Variants in ARHGAP28 observed in about 807,000 individuals in gnomAD.
The protein encoded by ARHGAP28 is rho GTPase-activating protein 28.
Under a neutral mutation model 90.7 loss-of-function variants are expected in ARHGAP28, and 56 were observed. The ratio of observed to expected loss-of-function variants is 0.62; its 90% confidence interval spans 0.50 to 0.77. The LOEUF (loss-of-function observed/expected upper bound fraction) is 0.77, where lower values mean the gene tolerates loss of function less well. Among genes scored for constraint, ARHGAP28 ranks in the 30% least tolerant of loss-of-function variants. The pLI is 0.00. For synonymous variants in ARHGAP28, 308 were observed against 323.3 expected (o/e 0.95, Z 0.51); for missense variants, 869 against 900.9 (o/e 0.96, Z 0.45).
At chr18:6,825,483 G>T (rs368098070) in intron 2 of ARHGAP28, among the ~76,000 whole-genome samples, 1 of 152,224 alleles carries the variant, frequency 6.6e-6, no homozygotes, top group East Asian at 1.9e-4. Flanking sequence ...CCATGTTGTT[G>T]TTTTTTCCAA....
intron 16 of ARHGAP28, among the ~76,000 whole-genome samples, 180 bp from the exon 17 acceptor site, chr18:6,908,780 T>G (rs1234184302): frequency 6.6e-6 from 1 of 152,206 alleles, no homozygotes; most frequent in Admixed American, 6.5e-5. Flanking sequence ...GGCCTCAGCT[T>G]CTTGTCTGTG....
At chr18:6,792,647 T>G (rs1455481386) in intron 1 of ARHGAP28, among the ~76,000 whole-genome samples, 1 of 152,184 alleles carries the variant, frequency 6.6e-6, no homozygotes, top group Non-Finnish European at 1.5e-5. Context: ...CAGCATCAAG[T>G]GCCCCTCCTT....
chr18:6,827,548 C>A lies in ARHGAP28; in HGVS notation c.325+2584C>A, dbSNP rs1264800369. On this transcript the variant is annotated intron_variant, in intron 2 of 17. Transcript: ENST00000383472. Reference sequence around the variant, plus strand: ...CGGCTGACCGGGCGGGGGGCTGACCCCCCCACCTCCCTCCCGGACGGGGCG... The same window carrying A: ...CGGCTGACCGGGCGGGGGGCTGACCACCCCACCTCCCTCCCGGACGGGGCG... Among the ~76,000 whole-genome samples the A allele has an allele frequency of 1.9e-3, 272 of 143,202 alleles. 2 individuals carry two copies. The highest frequency in any genetic ancestry group is 6.4e-3 in the African/African-American group (247 of 38,438). 93.9% of individuals were successfully genotyped at this position (143,202 alleles called of 152,430 possible).
At chr18:6,867,109 G>T (rs1379856042) in intron 5 of ARHGAP28, among the ~76,000 whole-genome samples, 1 of 151,958 alleles carries the variant, frequency 6.6e-6, no homozygotes, top group East Asian at 1.9e-4. Context: ...CAGTAATTGG[G>T]CATCTATGTT....
At chr18:6,731,136 A>G (rs28460775) in intron 1 of ARHGAP28, among the ~76,000 whole-genome samples, 6,110 of 151,920 alleles carry the variant, frequency 0.04, 416 homozygotes, top group African/African-American at 0.14. Flanking sequence ...GGAAAATCAC[A>G]TTTTTTTTCC....
At chr18:6,837,099 T>A (rs772400058) in intron 2 of ARHGAP28, 98 bp from the exon 3 acceptor site, 1 of 891,940 alleles carries the variant, frequency 1.1e-6, no homozygotes, top group Non-Finnish European at 1.7e-6. Flanking sequence ...AGAAAAAAAA[T>A]ACAAATATTA....
At chr18:6,810,458 G>A (rs1268174181) in intron 1 of ARHGAP28, among the ~76,000 whole-genome samples, 2 of 152,028 alleles carry the variant, frequency 1.3e-5, no homozygotes, top group Admixed American at 1.3e-4. Flanking sequence ...TGTTCAGTGG[G>A]CTTTTTTTTT....
intron 3 of ARHGAP28, among the ~76,000 whole-genome samples, chr18:6,838,342 G>C (rs1039991591): frequency 6.6e-6 from 1 of 152,172 alleles, no homozygotes; most frequent in African/African-American, 2.4e-5. Context: ...TAAAACTTCA[G>C]GGGTATTGAG....
intron 1 of ARHGAP28, among the ~76,000 whole-genome samples, chr18:6,746,100 G>A (rs1336583533): frequency 1.3e-5 from 2 of 152,126 alleles, no homozygotes; most frequent in Admixed American, 6.6e-5. Flanking sequence ...AGTGATCCAC[G>A]AAGGGATCAT....
intron 1 of ARHGAP28, among the ~76,000 whole-genome samples, chr18:6,819,425 T>C (rs913558947): frequency 6.6e-6 from 1 of 152,132 alleles, no homozygotes; most frequent in African/African-American, 2.4e-5. Flanking sequence ...GAAGAAGAAC[T>C]CTTGTGACAT....
chr18:6,794,735 G>T (rs1221631179), intron 1 of ARHGAP28, among the ~76,000 whole-genome samples: 1 of 152,088 alleles, frequency 6.6e-6, no homozygotes, highest in African/African-American at 2.4e-5. Flanking sequence ...AGGCTGCAGT[G>T]CAGTGACACA....
At chr18:6,898,769 C>G in intron 16 of ARHGAP28, 1 of 1,255,996 alleles carries the variant, frequency 8.0e-7, no homozygotes, top group Non-Finnish European at 1.0e-6. Context: ...TTCAAAAAAT[C>G]TTAGTAACTC....
rs756415928 is a variant in ARHGAP28 at position 6,870,466 on chromosome 18, G to A, written c.812-124G>A. On this transcript the variant is annotated intron_variant, in intron 6 of 17. Transcript: ENST00000383472. ...CGGGGTGAGTCTGCTGCTTTTCCTC[G>A]CATATAAACACTGTAACGTGCTTGT... 8 of 969,048 alleles carry A rather than the reference G, an allele frequency of 8.3e-6. No homozygotes were observed. The African/African-American group carries it at 1.0e-4, about 12-fold the overall frequency. The allele number at this position is 969,048 out of a possible 1,614,324, so 60.0% of individuals were successfully genotyped here. A position where few individuals can be genotyped will look rare whatever the true frequency, so the allele number is the denominator to read the frequency against.
At chr18:6,877,714 C>T (rs1022809975) in intron 10 of ARHGAP28, among the ~76,000 whole-genome samples, 9 of 152,158 alleles carry the variant, frequency 5.9e-5, no homozygotes, top group African/African-American at 1.7e-4. Context: ...TTCTAGGGTG[C>T]ATCTGCTTTC....
At chr18:6,880,502 C>T (rs2057168973) in intron 10 of ARHGAP28, among the ~76,000 whole-genome samples, 1 of 152,200 alleles carries the variant, frequency 6.6e-6, no homozygotes, top group Admixed American at 6.5e-5. Context: ...TCTACCCTTG[C>T]CATTCCCGTG....
At position 6,868,200 on chromosome 18, in the gene ARHGAP28, G is replaced by A. The variant is rs199607056; in HGVS notation, c.777G>A (p.Pro259=). ...TACCAGTTCATTCCAATGGATCACC[G>A]GAGCCTGGACAGCCAGTTCAGAATG... ...PVLPVHSNGS[P]EPGQPVQNAI... is the part of the protein sequence containing the mutation. Residue 259 remains proline, a synonymous_variant, in exon 6 of 18, where the codon CCG becomes CCA. Coordinates refer to ENST00000383472, the MANE Select transcript of ARHGAP28 (RefSeq NM_001366230.1). The A allele has an allele frequency of 9.3e-6, 15 of 1,614,102 alleles. No individual in the cohort carries two copies. The highest frequency in any genetic ancestry group is 6.7e-5 in the African/African-American group (5 of 75,016).
At chr18:6,852,411 A>T (rs1311272676) in intron 4 of ARHGAP28, among the ~76,000 whole-genome samples, 2 of 152,268 alleles carry the variant, frequency 1.3e-5, no homozygotes, top group African/African-American at 4.8e-5. Flanking sequence ...GTCTTAAATG[A>T]TAACCAAATA....
chr18:6,855,959 C>T (rs1009656309), intron 4 of ARHGAP28, among the ~76,000 whole-genome samples: 3 of 152,238 alleles, frequency 2.0e-5, no homozygotes, highest in Non-Finnish European at 4.4e-5. Flanking sequence ...CTTGCCACTC[C>T]GCACCTAGCT....
At chr18:6,861,587 G>A (rs1172433984) in intron 5 of ARHGAP28, among the ~76,000 whole-genome samples, 1 of 152,152 alleles carries the variant, frequency 6.6e-6, no homozygotes, top group Non-Finnish European at 1.5e-5. Context: ...CAGCAGCACA[G>A]GACTGCGTGT....
Sources: gnomAD v4.1 joint callset for allele counts (sites outside exome capture counted in the v4.1 genomes callset) on GRCh38, gnomAD v4.1.1 for gene constraint, MANE v1.5 for transcripts, NCBI Gene and HGNC (gene_info 2026-07-23, HGNC 2026-07-21) for gene names.